DESI2: variants seen among roughly 807,000 people sequenced by gnomAD.
DESI2 encodes deubiquitinase DESI2.
A neutral mutation model predicts 24.1 loss-of-function variants in DESI2; 10 were observed. The observed-to-expected ratio is 0.41, with a 90% CI of 0.26 to 0.70. The LOEUF (loss-of-function observed/expected upper bound fraction) is 0.70, where lower values mean the gene tolerates loss of function less well. Ranked by LOEUF, DESI2 falls within the 30% of genes least tolerant of loss-of-function variation. The pLI is 0.29. For missense variants in DESI2, 122 were observed against 234.9 expected (o/e 0.52, Z 3.14); for synonymous variants, 71 against 87.7 (o/e 0.81, Z 1.06).
In DESI2 at chr1:244,672,529, G is replaced by A. The variant is rs573106929; in HGVS notation, c.43-14068G>A. On this transcript the variant is annotated intron_variant, in intron 1 of 4. Transcript: ENST00000302550. ...TATTACTTTATAGCAACACAAAAAC[G>A]GACTAACACACCAGGTTAGAGAAGC... 3.3e-5 allele frequency among the ~76,000 whole-genome samples: 5 copies of A among 152,162 alleles called. No homozygotes were observed. In the South Asian group the frequency reaches 6.2e-4, roughly 19 times the overall value.
chr1:244,663,813 T>C (rs918034854), intron 1 of DESI2, among the ~76,000 whole-genome samples: 13 of 151,778 alleles, frequency 8.6e-5, no homozygotes, highest in African/African-American at 2.9e-4. Flanking sequence ...GGTCAGGAGA[T>C]CGAGACCATC....
chr1:244,661,029 G>A (rs1375708377), intron 1 of DESI2, among the ~76,000 whole-genome samples: 4 of 151,970 alleles, frequency 2.6e-5, no homozygotes, highest in Non-Finnish European at 4.4e-5. Flanking sequence ...TTTTAATTGT[G>A]TTAAAATACA....
At chr1:244,675,797 C>A (rs1481658680) in intron 1 of DESI2, among the ~76,000 whole-genome samples, 1 of 151,980 alleles carries the variant, frequency 6.6e-6, no homozygotes, top group East Asian at 1.9e-4. Flanking sequence ...TCAATTTCTG[C>A]AAAAAATGGC....
intron 1 of DESI2, among the ~76,000 whole-genome samples, chr1:244,673,813 T>G (rs932467568): frequency 2.0e-5 from 3 of 152,176 alleles, no homozygotes; most frequent in South Asian, 4.1e-4. Flanking sequence ...GGAAAAACTT[T>G]GTTATAATGC....
At chr1:244,679,293 T>C (rs548067313) in intron 1 of DESI2, among the ~76,000 whole-genome samples, 1 of 152,300 alleles carries the variant, frequency 6.6e-6, no homozygotes, top group East Asian at 1.9e-4. Context: ...AGTAAGAGGA[T>C]AGCAAGAAAC....
At chr1:244,670,188 C>T (rs768643791) in intron 1 of DESI2, among the ~76,000 whole-genome samples, 8 of 152,098 alleles carry the variant, frequency 5.3e-5, no homozygotes, top group Non-Finnish European at 1.2e-4. Flanking sequence ...AACTCCTGAC[C>T]GCAAGTGATC....
chr1:244,701,207 TCCCCTCCACCCCCCCCCCCC>T (rs1470100225), intron 4 of DESI2, among the ~76,000 whole-genome samples: 1 of 39,630 alleles, frequency 2.5e-5, no homozygotes, highest in Middle Eastern at 0.015. Context: ...TGGACCACCT[TCCCCTCCACCCCCCCCCCCC>T]CCCCCCCGCC....
intron 4 of DESI2, among the ~76,000 whole-genome samples, chr1:244,692,692 T>G (rs769821139): frequency 3.9e-5 from 6 of 152,196 alleles, no homozygotes; most frequent in Non-Finnish European, 7.3e-5. Context: ...TTCAGTGGCC[T>G]CCTCTGCAGA....
At chr1:244,679,433 C>CA (rs1485625616) in intron 1 of DESI2, among the ~76,000 whole-genome samples, 19 of 152,222 alleles carry the variant, frequency 1.2e-4, no homozygotes, top group African/African-American at 4.3e-4. Flanking sequence ...ATATACCCTT[C>CA]ATTCAGATGT....
At chr1:244,703,894 A>G (rs541364471) in intron 4 of DESI2, among the ~76,000 whole-genome samples, 29 of 151,980 alleles carry the variant, frequency 1.9e-4, no homozygotes, top group South Asian at 6.2e-4. Context: ...TCCTGACCTC[A>G]TGATCTGCCC....
intron 4 of DESI2, among the ~76,000 whole-genome samples, chr1:244,695,471 T>C (rs147287446): frequency 0.015 from 2,296 of 152,238 alleles, 59 homozygotes; most frequent in African/African-American, 0.052. Context: ...GGCCAACATG[T>C]TGAAACCTCA....
rs767526968 is a variant in DESI2 at position 244,686,684 on chromosome 1, A to C, written c.115+15A>C. 3.3e-6 allele frequency: 5 copies of C among 1,528,746 alleles called. No homozygotes were observed. The highest frequency in any genetic ancestry group is 2.2e-5 in the South Asian group (2 of 89,246). 94.7% of individuals were successfully genotyped at this position (1,528,746 alleles called of 1,614,324 possible). A position where few individuals can be genotyped will look rare whatever the true frequency, so the allele number is the denominator to read the frequency against. On this transcript the variant is annotated intron_variant, in intron 2 of 4. Coordinates refer to ENST00000302550, the MANE Select transcript of DESI2 (RefSeq NM_016076.5). Reference sequence around the variant, plus strand: ...CTATGGCAGAGGTACGTGTACACACAGTCTAAATATACTCTCTGAAGATTT... The same window carrying C: ...CTATGGCAGAGGTACGTGTACACACCGTCTAAATATACTCTCTGAAGATTT...
At chr1:244,665,857 ACTT>A (rs2148787171) in intron 1 of DESI2, among the ~76,000 whole-genome samples, 1 of 152,208 alleles carries the variant, frequency 6.6e-6, no homozygotes, top group South Asian at 2.1e-4. Context: ...TAAAATAATC[ACTT>A]CTTTGCTCCC....
chr1:244,704,553 A>G (rs1028218009), intron 4 of DESI2, among the ~76,000 whole-genome samples: 9 of 152,018 alleles, frequency 5.9e-5, no homozygotes, highest in African/African-American at 1.9e-4. Flanking sequence ...CTTGTATTCT[A>G]TCCCGCTAGT....
chr1:244,688,297 C>T (rs1676892122), intron 2 of DESI2, among the ~76,000 whole-genome samples: 1 of 152,146 alleles, frequency 6.6e-6, no homozygotes, highest in Non-Finnish European at 1.5e-5. Flanking sequence ...TGATAATCTA[C>T]AATATTTTGT....
chr1:244,675,283 T>C (rs903466618), intron 1 of DESI2, among the ~76,000 whole-genome samples: 1 of 152,194 alleles, frequency 6.6e-6, no homozygotes, highest in Non-Finnish European at 1.5e-5. Context: ...TTCAAAGCAC[T>C]AAAGTTTTAA....
intron 1 of DESI2, among the ~76,000 whole-genome samples, chr1:244,664,013 G>A (rs1460368877): frequency 6.8e-5 from 7 of 102,812 alleles, no homozygotes; most frequent in Non-Finnish European, 1.1e-4. Flanking sequence ...GTGAGACTCC[G>A]TCTCAGGAAA....
intron 4 of DESI2, among the ~76,000 whole-genome samples, chr1:244,700,715 CA>C (rs1273903689): frequency 6.6e-6 from 1 of 152,186 alleles, no homozygotes; most frequent in East Asian, 1.9e-4. Flanking sequence ...TTAACCTCAT[CA>C]ATGAGATAGC....
Position 244,655,317 on chromosome 1 carries a change from A to G in DESI2, c.42+1962A>G, listed in dbSNP as rs140893463. ...CAAAATCTGATTCACTATCTTCTCT[A>G]CTAATTCCTGCACTTATGTCTTTAT... On this transcript the variant is annotated intron_variant, in intron 1 of 4. Transcript: ENST00000302550. Among the ~76,000 whole-genome samples, 487 of 152,366 alleles carry G rather than the reference A, an allele frequency of 3.2e-3. 4 individuals carry two copies. Among genetic ancestry groups the G allele is most frequent in the African/African-American group, 0.011 (472 of 41,590 alleles).
Sources: allele counts gnomAD v4.1 joint callset (sites outside exome capture counted in the v4.1 genomes callset), GRCh38; gene constraint gnomAD v4.1.1; transcripts MANE v1.5; gene names NCBI Gene and HGNC (gene_info 2026-07-23, HGNC 2026-07-21).